Variants in ERC2 observed in about 807,000 individuals in gnomAD.
The protein encoded by ERC2 is ERC protein 2.
ERC2 carries 42 observed loss-of-function variants against 114.8 expected under a neutral mutation model. The ratio of observed to expected loss-of-function variants is 0.37; its 90% CI spans 0.29 to 0.47. The LOEUF (loss-of-function observed/expected upper bound fraction) is 0.47. Ranked by LOEUF, ERC2 falls within the 20% of genes least tolerant of loss-of-function variation. ERC2 has a pLI of 0.99. For synonymous variants in ERC2, 454 were observed against 425.5 expected, an observed-to-expected ratio of 1.07 and a Z score of -0.82; for missense variants, 939 against 1,150.7, an observed-to-expected ratio of 0.82 and a Z score of 2.66.
In ERC2 at chr3:55,967,396, T is replaced by C. The variant is rs569209709; in HGVS notation, c.2268-16836A>G. Among the ~76,000 whole-genome samples, 132 of 152,286 alleles carry C rather than the reference T, an allele frequency of 8.7e-4. 1 individual carries two copies. Among genetic ancestry groups the C allele is most frequent in the African/African-American group, 3.1e-3 (127 of 41,562 alleles). ...AAGGAACTGATTTGCAAAAATTAGGTGTTTTCCTGATGATAGGGTCTCAAC... is the reference window on the plus strand; with the variant it reads ...AAGGAACTGATTTGCAAAAATTAGGCGTTTTCCTGATGATAGGGTCTCAAC... On this transcript the variant is annotated intron_variant, in intron 12 of 17. Transcript: ENST00000288221.
At chr3:55,917,191 C>G (rs1254059060) in intron 13 of ERC2, among the ~76,000 whole-genome samples, 1 of 152,042 alleles carries the variant, frequency 6.6e-6, no homozygotes, top group Non-Finnish European at 1.5e-5. Flanking sequence ...TTTTCAAACC[C>G]ACTGGCTTCT....
intron 7 of ERC2, among the ~76,000 whole-genome samples, chr3:56,068,378 G>A (rs2076577260): frequency 6.6e-6 from 1 of 152,058 alleles, no homozygotes; most frequent in South Asian, 2.1e-4. Flanking sequence ...TGGGGTCAGT[G>A]GTGATATCTC....
intron 17 of ERC2, among the ~76,000 whole-genome samples, chr3:55,553,581 C>G (rs2055382493): frequency 1.3e-5 from 2 of 151,926 alleles, no homozygotes; most frequent in African/African-American, 4.8e-5. Context: ...GAGATCGAGA[C>G]CATCCTGGCT....
intron 17 of ERC2, among the ~76,000 whole-genome samples, chr3:55,642,879 T>A (rs564398480): frequency 5.9e-5 from 9 of 152,290 alleles, no homozygotes; most frequent in African/African-American, 2.2e-4. Flanking sequence ...AAAAAAATAT[T>A]TTTACACTGA....
At chr3:55,890,851 T>A (rs1380621277) in intron 13 of ERC2, among the ~76,000 whole-genome samples, 1 of 152,214 alleles carries the variant, frequency 6.6e-6, no homozygotes, top group African/African-American at 2.4e-5. Flanking sequence ...GAGGACCATG[T>A]GGGGCACTGG....
intron 3 of ERC2, among the ~76,000 whole-genome samples, chr3:56,224,993 C>G (rs183244751): frequency 6.6e-6 from 1 of 152,104 alleles, no homozygotes; most frequent in African/African-American, 2.4e-5. Context: ...TCCCATTCCT[C>G]ATATACCTCC....
chr3:55,611,943 C>A (rs1183778433), intron 17 of ERC2, among the ~76,000 whole-genome samples: 2 of 152,196 alleles, frequency 1.3e-5, no homozygotes, highest in African/African-American at 2.4e-5. Flanking sequence ...ACTGTCCCTT[C>A]TGGAGTCTAG....
intron 3 of ERC2, among the ~76,000 whole-genome samples, chr3:56,229,060 C>T (rs2050437315): frequency 6.6e-6 from 1 of 152,082 alleles, no homozygotes; most frequent in Non-Finnish European, 1.5e-5. Context: ...ACTTCACGTA[C>T]TTTGTTATAA....
At chr3:55,761,430 T>C (rs1210417006) in intron 14 of ERC2, among the ~76,000 whole-genome samples, 2 of 152,188 alleles carry the variant, frequency 1.3e-5, no homozygotes, top group Admixed American at 1.3e-4. Context: ...TTCTTAGTTT[T>C]ATCTCAGGCT....
intron 6 of ERC2, among the ~76,000 whole-genome samples, chr3:56,109,466 A>G (rs1252521493): frequency 6.6e-6 from 1 of 152,194 alleles, no homozygotes; most frequent in Non-Finnish European, 1.5e-5. Flanking sequence ...TATTGTGAAT[A>G]GTGCTGCAAT....
intron 1 of ERC2, among the ~76,000 whole-genome samples, chr3:56,438,665 T>C (rs1033636758): frequency 1.3e-5 from 2 of 152,264 alleles, no homozygotes; most frequent in Non-Finnish European, 2.9e-5. Context: ...CCACCACTTA[T>C]AGAGATGTCT....
At chr3:56,266,776 C>A (rs1206999139) in intron 3 of ERC2, among the ~76,000 whole-genome samples, 1 of 152,078 alleles carries the variant, frequency 6.6e-6, no homozygotes, top group Non-Finnish European at 1.5e-5. Flanking sequence ...CAAATGTTGG[C>A]AAGGATATGG....
At chr3:56,419,756 C>A (rs1008942776) in intron 2 of ERC2, among the ~76,000 whole-genome samples, 1 of 152,076 alleles carries the variant, frequency 6.6e-6, no homozygotes, top group Admixed American at 6.6e-5. Context: ...CCTGAGATGC[C>A]CTTCGAGTTT....
At chr3:55,561,287 AT>A (rs1262296959) in intron 17 of ERC2, among the ~76,000 whole-genome samples, 2 of 151,802 alleles carry the variant, frequency 1.3e-5, no homozygotes, top group Non-Finnish European at 2.9e-5. Context: ...CTGGTTTTTC[AT>A]TTTTTCCGTG....
At chr3:56,160,128 G>C (rs964694788) in intron 4 of ERC2, among the ~76,000 whole-genome samples, 1 of 152,094 alleles carries the variant, frequency 6.6e-6, no homozygotes, top group South Asian at 2.1e-4. Flanking sequence ...GTGTATAAGC[G>C]TTTCCATTTC....
At chr3:56,115,936 C>T (rs1168787710) in intron 6 of ERC2, among the ~76,000 whole-genome samples, 2 of 152,212 alleles carry the variant, frequency 1.3e-5, no homozygotes, top group Non-Finnish European at 2.9e-5. Context: ...CAACTAAGGA[C>T]AGCCCTTAGG....
At position 55,964,772 on chromosome 3, in the gene ERC2, C is replaced by T. The variant is rs776060783; in HGVS notation, c.2268-14212G>A. Among the ~76,000 whole-genome samples the T allele has an allele frequency of 5.3e-5, 8 of 152,266 alleles. No individual in the cohort carries two copies. The East Asian group carries it at 5.8e-4, about 11-fold the overall frequency. ...TGCAATTCTCATCTGCAGGCTTAAC[C>T]GGGGAATAATGTGCTTCCAAGCTCA... On this transcript the variant is annotated intron_variant, in intron 12 of 17. Coordinates refer to ENST00000288221, the MANE Select transcript of ERC2 (RefSeq NM_015576.3).
At chr3:56,011,429 C>T (rs112057133) in intron 8 of ERC2, among the ~76,000 whole-genome samples, 171 of 152,190 alleles carry the variant, frequency 1.1e-3, no homozygotes, top group African/African-American at 3.9e-3. Context: ...AGAACGCCTC[C>T]CACATCCCAG....
chr3:56,209,240 C>T (rs548909046), intron 3 of ERC2, among the ~76,000 whole-genome samples: 1 of 152,056 alleles, frequency 6.6e-6, no homozygotes, highest in Non-Finnish European at 1.5e-5. Context: ...GAATCTGCAC[C>T]CCTGCTCCAC....
Sources: allele counts gnomAD v4.1 joint callset (sites outside exome capture counted in the v4.1 genomes callset), GRCh38; gene constraint gnomAD v4.1.1; transcripts MANE v1.5; gene names NCBI Gene and HGNC (gene_info 2026-07-23, HGNC 2026-07-21).